The following SULF2 variants were observed in gnomAD, a reference collection of about 807,000 sequenced individuals.
The protein encoded by SULF2 is sulfatase 2.
A neutral mutation model predicts 107.7 loss-of-function variants in SULF2; 52 were observed. The observed-to-expected ratio is 0.48, with a 90% CI of 0.39 to 0.61. The LOEUF (loss-of-function observed/expected upper bound fraction) is 0.61, where lower values mean the gene tolerates loss of function less well. Ranked by LOEUF, SULF2 falls within the 20% of genes least tolerant of loss-of-function variation. The probability of loss-of-function intolerance (pLI) is 0.00; values close to 1 mark genes in which losing one functional copy is unlikely to be tolerated. For synonymous variants in SULF2, 460 were observed against 464.3 expected (o/e 0.99, Z 0.12); for missense variants, 993 against 1,177.3 (o/e 0.84, Z 2.29).
chr20:47,682,238 G>A (rs2087846170), intron 7 of SULF2, among the ~76,000 whole-genome samples: 6 of 152,234 alleles, frequency 3.9e-5, no homozygotes, highest in Admixed American at 3.9e-4. Context: ...CACTGTCAAC[G>A]CCTTTTCAGG....
intron 20 of SULF2, 103 bp downstream of exon 20, chr20:47,659,294 CAA>C: frequency 9.8e-7 from 1 of 1,019,288 alleles, no homozygotes; most frequent in Admixed American, 1.8e-5. Context: ...ATCATGAGAA[CAA>C]ACAAAGGGTG....
chr20:47,734,122 C>T (rs115319335), intron 3 of SULF2, among the ~76,000 whole-genome samples: 191 of 152,268 alleles, frequency 1.3e-3, no homozygotes, highest in Non-Finnish European at 2.5e-3. Context: ...CCATGCATGG[C>T]CATATGACTT....
At chr20:47,749,612 T>G (rs946654077) in intron 2 of SULF2, among the ~76,000 whole-genome samples, 6 of 152,350 alleles carry the variant, frequency 3.9e-5, no homozygotes, top group African/African-American at 1.2e-4. Context: ...GAGCCTGCGA[T>G]TTGGAATTGA....
At chr20:47,783,525 T>C (rs897510079) in intron 1 of SULF2, among the ~76,000 whole-genome samples, 16 of 152,352 alleles carry the variant, frequency 1.1e-4, no homozygotes, top group Middle Eastern at 3.4e-3. Flanking sequence ...GCACACACAC[T>C]GCTATGCTGT....
chr20:47,733,958 A>T (rs1276928441), intron 3 of SULF2, among the ~76,000 whole-genome samples: 1 of 152,210 alleles, frequency 6.6e-6, no homozygotes, highest in Non-Finnish European at 1.5e-5. Context: ...TATTCAAACG[A>T]GTATCACAAA....
chr20:47,728,696 A>C (rs1453464980), intron 3 of SULF2, among the ~76,000 whole-genome samples: 5 of 152,128 alleles, frequency 3.3e-5, no homozygotes, highest in Non-Finnish European at 7.4e-5. Context: ...CAAGCGACAG[A>C]GTGTAGTGGT....
intron 2 of SULF2, 47 bp downstream of exon 2, chr20:47,757,142 C>A: frequency 6.7e-7 from 1 of 1,499,674 alleles, no homozygotes; most frequent in Non-Finnish European, 9.0e-7. Flanking sequence ...AACCCAGGGA[C>A]CCTGCTCCGA....
intron 1 of SULF2, among the ~76,000 whole-genome samples, chr20:47,760,848 G>A (rs536995685): frequency 3.9e-5 from 6 of 152,306 alleles, no homozygotes; most frequent in Non-Finnish European, 5.9e-5. Flanking sequence ...TCAATCTCTC[G>A]TCTGCAGAAA....
At chr20:47,761,745 G>C (rs1568917289) in intron 1 of SULF2, among the ~76,000 whole-genome samples, 2 of 152,210 alleles carry the variant, frequency 1.3e-5, no homozygotes, top group African/African-American at 4.8e-5. Flanking sequence ...TCTAGCCATC[G>C]AATCAGTCCC....
chr20:47,767,004 C>T (rs542715206), intron 1 of SULF2, among the ~76,000 whole-genome samples: 1 of 151,582 alleles, frequency 6.6e-6, no homozygotes, highest in East Asian at 1.9e-4. Flanking sequence ...TGACAAACAG[C>T]GGACAGAGGT....
chr20:47,669,945 T>C (rs1285638204), intron 11 of SULF2, among the ~76,000 whole-genome samples: 1 of 152,190 alleles, frequency 6.6e-6, no homozygotes, highest in Non-Finnish European at 1.5e-5. Context: ...AAACCAATCA[T>C]TCTGTTCAGC....
chr20:47,664,387 A>G (rs989211771), intron 14 of SULF2, among the ~76,000 whole-genome samples, 198 bp from the exon 15 acceptor site: 1 of 152,212 alleles, frequency 6.6e-6, no homozygotes, highest in African/African-American at 2.4e-5. Flanking sequence ...TTCTCCAAGC[A>G]TGAGCCAGGA....
intron 2 of SULF2, among the ~76,000 whole-genome samples, chr20:47,738,702 C>T (rs1484232018): frequency 6.6e-6 from 1 of 152,194 alleles, no homozygotes; most frequent in Admixed American, 6.5e-5. Context: ...TTGCCTACCG[C>T]CATGTAAGAT....
At chr20:47,723,098 G>A (rs1383977866) in intron 3 of SULF2, among the ~76,000 whole-genome samples, 4 of 151,880 alleles carry the variant, frequency 2.6e-5, no homozygotes, top group African/African-American at 9.7e-5. Flanking sequence ...ACGAAAATTA[G>A]CTGAGTGTAG....
intron 4 of SULF2, among the ~76,000 whole-genome samples, chr20:47,692,876 C>T (rs1303491206): frequency 1.3e-5 from 2 of 152,156 alleles, no homozygotes; most frequent in African/African-American, 2.4e-5. Flanking sequence ...CAGAGTCAAA[C>T]TCAGAAACAT....
rs541862929 is a variant in SULF2 at position 47,680,792 on chromosome 20, T to C, written c.1065-1988A>G. ...CCGGCAGCTAATGGGGCTGAGCTTG[T>C]CCAGTGGTCCCGCTCCCCCAGGCTC... is the stretch of plus-strand genomic sequence containing the variant. On this transcript the variant is annotated intron_variant, in intron 7 of 20. Transcript: ENST00000688720. This position sits in a 1 kb window ranked among gnomAD's most constrained non-coding sequence, Gnocchi z 4.2. Among the ~76,000 whole-genome samples the C allele has an allele frequency of 6.0e-4, 91 of 152,270 alleles. No individual in the cohort carries two copies. The highest frequency in any genetic ancestry group is 1.1e-3 in the Non-Finnish European group (73 of 68,026).
rs773802230 is a variant in SULF2, at chr20:47,665,896, C to T, written c.1863G>A (p.Leu621=). 3 of 1,614,068 alleles carry T rather than the reference C, an allele frequency of 1.9e-6. No individual in the cohort carries two copies. Among genetic ancestry groups the T allele is most frequent in the Admixed American group, 3.3e-5 (2 of 60,028 alleles). The change falls in exon 13 of 21, where the codon CTG becomes CTA. Residue 621 remains leucine (L), a synonymous_variant. Transcript: ENST00000688720. ...VQCDLDLYKS[L]QAWKDHKLHI... ...GCAGCTTGTGGTCTTTCCAGGCCTG[C>T]AGGGACTTGTACAGGTCCAGGTCAC...
At chr20:47,764,988 A>C (rs1305434250) in intron 1 of SULF2, among the ~76,000 whole-genome samples, 1 of 152,132 alleles carries the variant, frequency 6.6e-6, no homozygotes, top group Non-Finnish European at 1.5e-5. Context: ...AGTGTCGTGC[A>C]GCATGGGTGC....
intron 1 of SULF2, among the ~76,000 whole-genome samples, chr20:47,770,748 G>A (rs1410918980): frequency 6.6e-6 from 1 of 152,184 alleles, no homozygotes; most frequent in African/African-American, 2.4e-5. Flanking sequence ...GTTGTTGCTG[G>A]CAGTCGGTTG....
Sources: allele counts gnomAD v4.1 joint callset (sites outside exome capture counted in the v4.1 genomes callset), GRCh38; gene constraint gnomAD v4.1.1; non-coding constraint Gnocchi (gnomAD v3.1); transcripts MANE v1.5; gene names NCBI Gene and HGNC (gene_info 2026-07-23, HGNC 2026-07-21).